The following CDK6 variants were observed in gnomAD, a reference collection of about 807,000 sequenced individuals.
CDK6 encodes cyclin dependent kinase 6, also known as cyclin-dependent kinase 6.
In CDK6, 6 loss-of-function variants were observed where a neutral mutation model predicts 37.1. The ratio of observed to expected loss-of-function variants is 0.16; its 90% CI spans 0.09 to 0.32. The LOEUF is 0.32. CDK6 is among the 10% of genes least tolerant of loss of function. The probability of loss-of-function intolerance (pLI) is 1.00; values close to 1 mark genes in which losing one functional copy is unlikely to be tolerated. For missense variants in CDK6, 224 were observed against 418.9 expected (o/e 0.53, Z 4.06); for synonymous variants, 160 against 161.3 (o/e 0.99, Z 0.06).
intron 2 of CDK6, among the ~76,000 whole-genome samples, chr7:92,829,424 AC>A (rs1562978406): frequency 6.6e-6 from 1 of 152,222 alleles, no homozygotes; most frequent in East Asian, 1.9e-4. Context: ...ACAGGTAAGC[AC>A]TGGCTTGTAT....
intron 4 of CDK6, among the ~76,000 whole-genome samples, chr7:92,722,737 G>A (rs1798397217): frequency 6.6e-6 from 1 of 152,158 alleles, no homozygotes; most frequent in African/African-American, 2.4e-5. Flanking sequence ...CTGCAAGTCA[G>A]CATTTGTCAA....
intron 5 of CDK6, among the ~76,000 whole-genome samples, chr7:92,634,137 T>C (rs1796117236): frequency 6.6e-6 from 1 of 152,196 alleles, no homozygotes; most frequent in Admixed American, 6.5e-5. Context: ...ATACTTCCTA[T>C]AGTTTCTTTA....
intron 3 of CDK6, among the ~76,000 whole-genome samples, chr7:92,751,493 A>T (rs1799186747): frequency 6.6e-5 from 10 of 152,186 alleles, no homozygotes; most frequent in Admixed American, 6.5e-4. Flanking sequence ...ATTCAATGAT[A>T]ACAATACAGC....
chr7:92,620,822 T>C (rs1795790544), intron 6 of CDK6, among the ~76,000 whole-genome samples: 1 of 152,078 alleles, frequency 6.6e-6, no homozygotes, highest in South Asian at 2.1e-4. Context: ...ATAGGAGGAT[T>C]ACTTGAGCTC....
intron 5 of CDK6, among the ~76,000 whole-genome samples, chr7:92,651,313 A>G (rs565818657): frequency 2.6e-5 from 4 of 152,328 alleles, no homozygotes; most frequent in Admixed American, 1.3e-4. Context: ...TATGTAATGT[A>G]ACAAATTCAT....
rs142402846 is a variant in CDK6, at chr7:92,823,344, C to A, written c.233+9747G>T. Among the ~76,000 whole-genome samples, 474 of 146,172 alleles carry A rather than the reference C, an allele frequency of 3.2e-3. 1 individual carries two copies. Among genetic ancestry groups the A allele is most frequent in the African/African-American group, 0.011 (445 of 39,650 alleles). On this transcript the variant is annotated intron_variant, in intron 2 of 7. Transcript: ENST00000424848. Reference sequence around the variant, plus strand: ...CAAGTGGCATCAGTTCTCATCTAATCAGCTAGAAGTTAAATAGCCACTGAT... The same window carrying A: ...CAAGTGGCATCAGTTCTCATCTAATAAGCTAGAAGTTAAATAGCCACTGAT...
chr7:92,762,568 ACC>A (rs1799482854), intron 3 of CDK6, among the ~76,000 whole-genome samples: 1 of 146,712 alleles, frequency 6.8e-6, no homozygotes. Flanking sequence ...TTCATAGAAC[ACC>A]TTTTTTTTTT....
chr7:92,741,517 A>G (rs919228894), intron 3 of CDK6, among the ~76,000 whole-genome samples: 30 of 152,192 alleles, frequency 2.0e-4, no homozygotes, highest in African/African-American at 7.0e-4. Flanking sequence ...ATGTTTGGAA[A>G]GAGATATAGC....
intron 2 of CDK6, among the ~76,000 whole-genome samples, chr7:92,795,574 T>C (rs1287615191): frequency 6.6e-6 from 1 of 152,104 alleles, no homozygotes; most frequent in Non-Finnish European, 1.5e-5. Context: ...AGTAACTTCA[T>C]ACCTTAAATC....
chr7:92,749,053 G>C (rs1333645623), intron 3 of CDK6, among the ~76,000 whole-genome samples: 2 of 152,068 alleles, frequency 1.3e-5, no homozygotes, highest in Non-Finnish European at 2.9e-5. Context: ...ACAAAACTTA[G>C]CCAGGCGTGG....
rs1260777959 is a variant in CDK6, at chr7:92,614,805, GGATT to G, written c.*331_*334del. 1 of 349,426 alleles carries G rather than the reference GGATT, an allele frequency of 2.9e-6. No individual in the cohort carries two copies. The highest frequency in any genetic ancestry group is 4.2e-5 in the East Asian group (1 of 23,966). 21.6% of individuals were successfully genotyped at this position (349,426 alleles called of 1,614,324 possible). A position where few individuals can be genotyped will look rare whatever the true frequency, so the allele number is the denominator to read the frequency against. On this transcript the variant is annotated 3_prime_UTR_variant, in exon 8 of 8. Transcript: ENST00000424848. ...ATTACATCATAACTCAGCTGTGCCTGGATTACCCACTCCACACTGGCAGCATTCA... is the reference window on the plus strand; with the variant it reads ...ATTACATCATAACTCAGCTGTGCCTGACCCACTCCACACTGGCAGCATTCA...
chr7:92,688,232 T>C (rs1466815843), intron 4 of CDK6, among the ~76,000 whole-genome samples: 1 of 152,266 alleles, frequency 6.6e-6, no homozygotes, highest in African/African-American at 2.4e-5. Context: ...AGAGTTACAG[T>C]TTCTCCGCAT....
At chr7:92,799,293 G>A (rs1023185047) in intron 2 of CDK6, among the ~76,000 whole-genome samples, 3 of 152,078 alleles carry the variant, frequency 2.0e-5, no homozygotes, top group African/African-American at 7.2e-5. Flanking sequence ...CCCCACTACT[G>A]GATGCAGTCT....
chr7:92,718,718 G>A (rs1162160619), intron 4 of CDK6, among the ~76,000 whole-genome samples: 2 of 152,220 alleles, frequency 1.3e-5, no homozygotes, highest in Non-Finnish European at 2.9e-5. Context: ...TGGGTAAGGA[G>A]GGAGGGCTTC....
At chr7:92,749,862 T>C (rs534500582) in intron 3 of CDK6, among the ~76,000 whole-genome samples, 3 of 152,336 alleles carry the variant, frequency 2.0e-5, no homozygotes, top group African/African-American at 4.8e-5. Flanking sequence ...TGATAGTGCA[T>C]AGTGAGCACT....
chr7:92,812,138 CA>C (rs1228710613), intron 2 of CDK6, among the ~76,000 whole-genome samples: 5 of 151,976 alleles, frequency 3.3e-5, no homozygotes, highest in African/African-American at 9.6e-5. Context: ...GACTCCAACT[CA>C]AAAAAACAAA....
chr7:92,757,364 C>T (rs1584056068), intron 3 of CDK6, among the ~76,000 whole-genome samples: 2 of 152,146 alleles, frequency 1.3e-5, no homozygotes, highest in African/African-American at 2.4e-5. Context: ...TTCATAAGTT[C>T]TCATCATTTA....
intron 2 of CDK6, among the ~76,000 whole-genome samples, chr7:92,793,127 C>T (rs928553883): frequency 2.0e-5 from 3 of 151,938 alleles, no homozygotes; most frequent in African/African-American, 4.8e-5. Flanking sequence ...GAAGGACATC[C>T]GTATTCATGG....
intron 4 of CDK6, among the ~76,000 whole-genome samples, chr7:92,712,432 C>T (rs1434583564): frequency 6.6e-6 from 1 of 152,224 alleles, no homozygotes; most frequent in Non-Finnish European, 1.5e-5. Flanking sequence ...TTGAGAACTA[C>T]AATCGACTAT....
Sources: allele counts gnomAD v4.1 joint callset (sites outside exome capture counted in the v4.1 genomes callset), GRCh38; gene constraint gnomAD v4.1.1; transcripts MANE v1.5; gene names NCBI Gene and HGNC (gene_info 2026-07-23, HGNC 2026-07-21).